DYM: variants seen among roughly 807,000 people sequenced by gnomAD.
The protein encoded by DYM is dyggve-Melchior-Clausen syndrome protein.
A neutral mutation model predicts 93.1 loss-of-function variants in DYM; 78 were observed. The observed-to-expected ratio is 0.84, with a 90% CI of 0.70 to 1.01. The LOEUF is 1.01. DYM is among the 50% of genes least tolerant of loss of function. The pLI, the probability that DYM is intolerant of heterozygous loss-of-function variation, is 0.00. For synonymous variants in DYM, 321 were observed against 319.7 expected (o/e 1.00, Z -0.04); for missense variants, 789 against 845.0 (o/e 0.93, Z 0.82).
intron 8 of DYM, among the ~76,000 whole-genome samples, chr18:49,302,491 T>C (rs1599265697): frequency 6.6e-6 from 1 of 152,230 alleles, no homozygotes; most frequent in African/African-American, 2.4e-5. Flanking sequence ...CTATGCATTA[T>C]ATAATTTCTA....
At chr18:49,067,857 G>T (rs1452578842) in intron 17 of DYM, among the ~76,000 whole-genome samples, 1 of 152,094 alleles carries the variant, frequency 6.6e-6, no homozygotes, top group Non-Finnish European at 1.5e-5. Flanking sequence ...GAGCCCCCGA[G>T]ATCTAGCCTG....
chr18:49,446,686 T>C (rs1270004526), intron 1 of DYM, among the ~76,000 whole-genome samples: 1 of 152,164 alleles, frequency 6.6e-6, no homozygotes. Flanking sequence ...TATACAGAGA[T>C]ACGGATACAT....
In DYM at chr18:49,117,768, C is replaced by G. The variant is rs75406224; in HGVS notation, c.1911+976G>C. ...CTGGTTCTACACACTACAGTGTATTCTTGGGAACTGCCTTCAGTGCTCTCC... is the reference window on the plus strand; with the variant it reads ...CTGGTTCTACACACTACAGTGTATTGTTGGGAACTGCCTTCAGTGCTCTCC... On this transcript the variant is annotated intron_variant, in intron 16 of 17. Coordinates refer to ENST00000675505, the MANE Select transcript of DYM (RefSeq NM_001353214.3). Among the ~76,000 whole-genome samples, 499 of 152,262 alleles carry G rather than the reference C, an allele frequency of 3.3e-3. 4 individuals carry two copies. The highest frequency in any genetic ancestry group is 0.011 in the African/African-American group (464 of 41,550).
chr18:49,067,230 A>G (rs111425286), intron 17 of DYM, among the ~76,000 whole-genome samples: 124 of 16,092 alleles, frequency 7.7e-3, no homozygotes, highest in South Asian at 0.011. Flanking sequence ...GGTTCAGTAG[A>G]GGAAGGAGTG....
At chr18:49,445,283 C>G (rs537227839) in intron 1 of DYM, among the ~76,000 whole-genome samples, 1 of 152,196 alleles carries the variant, frequency 6.6e-6, no homozygotes, top group Admixed American at 6.5e-5. Context: ...TAAACTAAAG[C>G]AAAGAAAGGT....
intron 2 of DYM, chr18:49,417,944 C>A (rs1436044834): frequency 6.6e-6 from 1 of 151,740 alleles, no homozygotes; most frequent in Non-Finnish European, 1.5e-5. Flanking sequence ...CCTGTAATCC[C>A]AGCTACTGGG....
chr18:49,272,123 T>A lies in DYM; in HGVS notation c.1251+55A>T, dbSNP rs926059483. ...AATGTAAAGACTAGTAAATCTTACG[T>A]AGGGACATGTCTGTTCTGTTAACTC... On this transcript the variant is annotated intron_variant, in intron 11 of 17. Coordinates refer to ENST00000675505, the MANE Select transcript of DYM (RefSeq NM_001353214.3). The A allele has an allele frequency of 2.6e-6, 4 of 1,536,112 alleles. No individual in the cohort carries two copies. In the Admixed American group the frequency reaches 5.1e-5, roughly 19 times the overall value.
intron 15 of DYM, among the ~76,000 whole-genome samples, chr18:49,159,972 A>G (rs1320493885): frequency 6.6e-6 from 1 of 152,174 alleles, no homozygotes; most frequent in Admixed American, 6.5e-5. Flanking sequence ...CAGGTTCCAT[A>G]TTTGGTTATA....
chr18:49,257,411 C>T (rs919054090), intron 12 of DYM, among the ~76,000 whole-genome samples: 2 of 152,174 alleles, frequency 1.3e-5, no homozygotes, highest in African/African-American at 4.8e-5. Context: ...AATGGTTACA[C>T]ATAGTAGAGT....
At chr18:49,431,325 G>A (rs752195517) in intron 1 of DYM, among the ~76,000 whole-genome samples, 34 of 152,108 alleles carry the variant, frequency 2.2e-4, no homozygotes, top group Non-Finnish European at 1.3e-4. Context: ...ACATTTTTAC[G>A]ACAGGAATTA....
chr18:49,289,532 T>C (rs1295252214), intron 8 of DYM, among the ~76,000 whole-genome samples: 2 of 148,414 alleles, frequency 1.3e-5, no homozygotes, highest in African/African-American at 4.9e-5. Flanking sequence ...TGAGACCTTG[T>C]CTCTACAAAT....
chr18:49,179,609 T>C (rs949020998), intron 14 of DYM, among the ~76,000 whole-genome samples: 10 of 152,122 alleles, frequency 6.6e-5, no homozygotes, highest in African/African-American at 2.4e-4. Flanking sequence ...TTACCATCTA[T>C]AGAGTATCTA....
intron 13 of DYM, among the ~76,000 whole-genome samples, chr18:49,233,295 G>C (rs1344450805): frequency 6.6e-6 from 1 of 151,220 alleles, no homozygotes; most frequent in Non-Finnish European, 1.5e-5. Context: ...GGAGGGAGAG[G>C]CTTCAGTGAG....
At chr18:49,090,226 AG>A (rs1479860092) in intron 17 of DYM, among the ~76,000 whole-genome samples, 2 of 152,178 alleles carry the variant, frequency 1.3e-5, no homozygotes, top group African/African-American at 4.8e-5. Flanking sequence ...TCAGAATGGG[AG>A]GGAGAGCCAC....
intron 6 of DYM, among the ~76,000 whole-genome samples, chr18:49,337,071 A>G (rs563494217): frequency 6.6e-6 from 1 of 152,222 alleles, no homozygotes; most frequent in African/African-American, 2.4e-5. Flanking sequence ...TTTCATTTTG[A>G]CTGGAAACTT....
intron 15 of DYM, among the ~76,000 whole-genome samples, chr18:49,150,488 T>A (rs560445961): frequency 7.9e-5 from 12 of 152,168 alleles, no homozygotes; most frequent in Admixed American, 3.9e-4. Context: ...TGAGCACACA[T>A]TGAGAAGGTG....
intron 8 of DYM, among the ~76,000 whole-genome samples, chr18:49,311,033 G>C (rs1170250960): frequency 1.3e-5 from 2 of 152,196 alleles, no homozygotes; most frequent in Non-Finnish European, 2.9e-5. Context: ...TTTGGAATTT[G>C]TTGTGTATTT....
chr18:49,452,482 C>T (rs1213977367), intron 1 of DYM, among the ~76,000 whole-genome samples: 8 of 151,936 alleles, frequency 5.3e-5, no homozygotes, highest in African/African-American at 1.2e-4. Context: ...CTGATTGGTG[C>T]GTTTACAATC....
chr18:49,409,713 A>C (rs536464682), intron 2 of DYM, among the ~76,000 whole-genome samples: 1 of 152,368 alleles, frequency 6.6e-6, no homozygotes, highest in South Asian at 2.1e-4. Context: ...CACAATAAAA[A>C]TAAATATATA....
Sources: allele counts gnomAD v4.1 joint callset (sites outside exome capture counted in the v4.1 genomes callset), GRCh38; gene constraint gnomAD v4.1.1; transcripts MANE v1.5; gene names NCBI Gene and HGNC (gene_info 2026-07-23, HGNC 2026-07-21).